STC1: variants seen among roughly 807,000 people sequenced by gnomAD.
The protein encoded by STC1 is stanniocalcin 1.
Under a neutral mutation model 22.6 loss-of-function variants are expected in STC1, and 7 were observed. That is an observed-to-expected ratio of 0.31 (90% CI 0.18 to 0.58). The LOEUF (loss-of-function observed/expected upper bound fraction) is 0.58. STC1 is among the 20% of genes least tolerant of loss of function. The probability of loss-of-function intolerance (pLI) is 0.89; values close to 1 mark genes in which losing one functional copy is unlikely to be tolerated. For missense variants in STC1, 224 were observed against 311.0 expected (o/e 0.72, Z 2.10); for synonymous variants, 113 against 120.7 (o/e 0.94, Z 0.42).
intron 3 of STC1, among the ~76,000 whole-genome samples, chr8:23,847,486 A>G (rs1342699556): frequency 6.6e-6 from 1 of 152,252 alleles, no homozygotes; most frequent in East Asian, 1.9e-4. Context: ...TAACTCAGCA[A>G]GGGCAGGCTG....
In STC1 at chr8:23,854,654, ATTT is replaced by A. The variant is rs200702516; in HGVS notation, c.-134_-132del. On this transcript the variant is annotated 5_prime_UTR_variant, in exon 1 of 4. Coordinates refer to ENST00000290271, the MANE Select transcript of STC1 (RefSeq NM_003155.3). Reference sequence around the variant, plus strand: ...AAGCTTAGGTGAGGATTTGATGAGGATTTTTTTTTGTTGTTGTTGCTGGTGATG... The same window carrying A: ...AAGCTTAGGTGAGGATTTGATGAGGATTTTTTGTTGTTGTTGCTGGTGATG... The A allele has an allele frequency of 9.2e-6, 8 of 867,540 alleles. No homozygotes were observed. The highest frequency in any genetic ancestry group is 1.4e-5 in the South Asian group (1 of 72,352). The allele number at this position is 867,540 out of a possible 1,614,324, so 53.7% of individuals were successfully genotyped here.
rs1297643712 is a variant in STC1 at position 23,842,683 on chromosome 8, G to A, written c.*2087C>T. ...TCAGCCTTGCCTGGGGGTGGGAAGT[G>A]TGGGAGGGAGGGGAAGAGTCTAACT... On this transcript the variant is annotated 3_prime_UTR_variant, in exon 4 of 4. Transcript: ENST00000290271. 6.6e-6 allele frequency: 1 copy of A among 152,430 alleles called. No individual in the cohort carries two copies. The highest frequency in any genetic ancestry group is 1.5e-5 in the Non-Finnish European group (1 of 68,048). 9.4% of individuals were successfully genotyped at this position (152,430 alleles called of 1,614,324 possible).
chr8:23,849,217 C>T (rs948081670), intron 3 of STC1, among the ~76,000 whole-genome samples: 7 of 152,248 alleles, frequency 4.6e-5, no homozygotes, highest in South Asian at 4.1e-4. Context: ...ACTGACTTAG[C>T]GTGTGTCTAT....
chr8:23,854,469 G>C lies in STC1; in HGVS notation c.55C>G (p.His19Asp). Reference protein sequence around the residue: ...LVLVISASATHEAEQNDSVSP... With the variant: ...LVLVISASATDEAEQNDSVSP... ...ACAGAGTCATTCTGCTCCGCCTCAT[G>C]GGTTGCAGAAGCACTGATCACCAGC... Residue 19 changes from histidine to aspartate, a missense_variant, in exon 1 of 4, where the codon CAT becomes GAT. Transcript: ENST00000290271. 6.2e-7 allele frequency: 1 copy of C among 1,614,112 alleles called. No individual in the cohort carries two copies.
In STC1 at chr8:23,843,766, T is replaced by G. The variant is rs779934164; in HGVS notation, c.*1004A>C. On this transcript the variant is annotated 3_prime_UTR_variant, in exon 4 of 4. Transcript: ENST00000290271. ...AACATCTTACCTGGGGTCCTTCAGA[T>G]AAACCTGTTGGTTTTTCCTGTCTCA... 13 of 152,656 alleles carry G rather than the reference T, an allele frequency of 8.5e-5. No individual in the cohort carries two copies. Among genetic ancestry groups the G allele is most frequent in the Non-Finnish European group, 1.9e-4 (13 of 68,036 alleles). The allele number at this position is 152,656 out of a possible 1,614,324, so 9.5% of individuals were successfully genotyped here.
rs1358385422 is a variant in STC1 at position 23,851,421 on chromosome 8, C to A, written c.372G>T (p.Val124=). ...CSTFQRMIAE[V]QEECYSKLNV... ...TCAGCTTGCTGTAGCACTCTTCCTG[C>A]ACCTCAGCAATCATCCTTTGGAAAG... The change falls in exon 3 of 4, where the codon GTG becomes GTT. Residue 124 remains valine (V), a synonymous_variant. Transcript: ENST00000290271. 6.2e-7 allele frequency: 1 copy of A among 1,614,146 alleles called. No individual in the cohort carries two copies. The highest frequency in any genetic ancestry group is 1.7e-5 in the Admixed American group (1 of 60,024).
In STC1 at chr8:23,842,484, C is replaced by CG. The variant is rs1802524825; in HGVS notation, c.*2285_*2286insC. The CG allele has an allele frequency of 1.2e-5, 1 of 80,146 alleles. No homozygotes were observed. Among genetic ancestry groups the CG allele is most frequent in the African/African-American group, 4.9e-5 (1 of 20,520 alleles). The allele number at this position is 80,146 out of a possible 1,614,324, so 5.0% of individuals were successfully genotyped here. ...TACCACGGTTTGAAGAGGTCACAGC[C>CG]AAAAAAAAAAAAAAAAAAAAAGAAA... On this transcript the variant is annotated 3_prime_UTR_variant, in exon 4 of 4. Transcript: ENST00000290271.
At position 23,843,279 on chromosome 8, in the gene STC1, A is replaced by G. The variant is rs1001336846; in HGVS notation, c.*1491T>C. On this transcript the variant is annotated 3_prime_UTR_variant, in exon 4 of 4. Coordinates refer to ENST00000290271, the MANE Select transcript of STC1 (RefSeq NM_003155.3). Reference sequence around the variant, plus strand: ...TCATGGCAGAAATGATCAAACCACCAGCTCTTTTTCCCTCTTTCTTTCTTT... The same window carrying G: ...TCATGGCAGAAATGATCAAACCACCGGCTCTTTTTCCCTCTTTCTTTCTTT... The G allele has an allele frequency of 1.3e-5, 2 of 151,538 alleles. No homozygotes were observed. Among genetic ancestry groups the G allele is most frequent in the African/African-American group, 2.4e-5 (1 of 41,134 alleles). The allele number at this position is 151,538 out of a possible 1,614,324, so 9.4% of individuals were successfully genotyped here.
rs1157890219 is a variant in STC1 at position 23,851,412 on chromosome 8, C to T, written c.381G>A (p.Glu127=). The change falls in exon 3 of 4, where the codon GAG becomes GAA. Residue 127 remains glutamate (E), a synonymous_variant. Coordinates refer to ENST00000290271, the MANE Select transcript of STC1 (RefSeq NM_003155.3). ...TGCACACATTCAGCTTGCTGTAGCACTCTTCCTGCACCTCAGCAATCATCC... is the reference window on the plus strand; with the variant it reads ...TGCACACATTCAGCTTGCTGTAGCATTCTTCCTGCACCTCAGCAATCATCC... ...FQRMIAEVQE[E]CYSKLNVCSI... 1 of 1,614,152 alleles carries T rather than the reference C, an allele frequency of 6.2e-7. No individual in the cohort carries two copies. Among genetic ancestry groups the T allele is most frequent in the South Asian group, 1.1e-5 (1 of 91,080 alleles).
intron 3 of STC1, among the ~76,000 whole-genome samples, chr8:23,849,808 T>C (rs1802615685): frequency 6.6e-6 from 1 of 152,144 alleles, no homozygotes; most frequent in African/African-American, 2.4e-5. Flanking sequence ...ACTTTGTCCT[T>C]AGCCCCTGTC....
rs750304719 is a variant in STC1 at position 23,852,421 on chromosome 8, G to C, written c.119-37C>G. ...AAATCCATCCATTCTGGGTCAAACA[G>C]TGAGGAATGGCTGGGTGGGATCAAG... On this transcript the variant is annotated intron_variant, in intron 1 of 3. Transcript: ENST00000290271. 2.6e-6 allele frequency: 4 copies of C among 1,556,088 alleles called. No individual in the cohort carries two copies. The Admixed American group carries it at 7.6e-5, about 30-fold the overall frequency.
chr8:23,852,550 T>C (rs1168352089), intron 1 of STC1, among the ~76,000 whole-genome samples, 166 bp from the exon 2 acceptor site: 1 of 152,116 alleles, frequency 6.6e-6, no homozygotes, highest in East Asian at 1.9e-4. Context: ...AAAGAGAGGA[T>C]AGACAGGCTC....
chr8:23,852,093 C>T lies in STC1; in HGVS notation c.261+149G>A, dbSNP rs1015270199. On this transcript the variant is annotated intron_variant, in intron 2 of 3. Coordinates refer to ENST00000290271, the MANE Select transcript of STC1 (RefSeq NM_003155.3). Reference sequence around the variant, plus strand: ...GTGTGTGTGTGTGTGCATGCACACACTTGTGCATACACATGCTGAGATGGG... The same window carrying T: ...GTGTGTGTGTGTGTGCATGCACACATTTGTGCATACACATGCTGAGATGGG... 12 of 846,826 alleles carry T rather than the reference C, an allele frequency of 1.4e-5. No homozygotes were observed. The African/African-American group carries it at 1.7e-4, about 12-fold the overall frequency. 52.5% of individuals were successfully genotyped at this position (846,826 alleles called of 1,614,324 possible).
In STC1 at chr8:23,844,632, A is replaced by G; in HGVS notation, c.*138T>C. ...ATATTGATTACAGAAGCCTAGTTTCATGCAATTTTCTTTAAGGGGGATAGA... is the reference window on the plus strand; with the variant it reads ...ATATTGATTACAGAAGCCTAGTTTCGTGCAATTTTCTTTAAGGGGGATAGA... On this transcript the variant is annotated 3_prime_UTR_variant, in exon 4 of 4. Transcript: ENST00000290271. 1 of 978,436 alleles carries G rather than the reference A, an allele frequency of 1.0e-6. No homozygotes were observed. The highest frequency in any genetic ancestry group is 1.5e-6 in the Non-Finnish European group (1 of 678,494). 60.6% of individuals were successfully genotyped at this position (978,436 alleles called of 1,614,324 possible).
At chr8:23,852,890 A>C (rs529883422) in intron 1 of STC1, among the ~76,000 whole-genome samples, 15 of 152,300 alleles carry the variant, frequency 9.8e-5, no homozygotes, top group African/African-American at 3.6e-4. Flanking sequence ...CCAGGAGTCC[A>C]CTTGGAGACC....
At position 23,844,972 on chromosome 8, in the gene STC1, C is replaced by G; in HGVS notation, c.542G>C (p.Ser181Thr). The G allele has an allele frequency of 1.2e-6, 2 of 1,614,186 alleles. No homozygotes were observed. The highest frequency in any genetic ancestry group is 1.7e-6 in the Non-Finnish European group (2 of 1,180,042). Reference sequence around the variant, plus strand: ...GTTAGGCCCAATTTTCTCCATCAGGCTGTCTCTGATTGTGCTGACTGTGTC... The same window carrying G: ...GTTAGGCCCAATTTTCTCCATCAGGGTGTCTCTGATTGTGCTGACTGTGTC... ...DEDTVSTIRD[S>T]LMEKIGPNMA... is the part of the protein sequence containing the mutation. The change falls in exon 4 of 4, where the codon AGC (serine) becomes ACC (threonine). Residue 181 changes from serine to threonine, a missense_variant. Transcript: ENST00000290271.
intron 3 of STC1, 95 bp downstream of exon 3, chr8:23,851,225 A>C: frequency 8.6e-7 from 1 of 1,169,354 alleles, no homozygotes; most frequent in Non-Finnish European, 1.3e-6. Flanking sequence ...TAAGAGCATG[A>C]CTGTGGCAAT....
intron 1 of STC1, chr8:23,854,192 G>A: frequency 8.5e-7 from 1 of 1,178,336 alleles, no homozygotes; most frequent in Non-Finnish European, 1.1e-6. Flanking sequence ...AATACCCTCA[G>A]CAGAGCGTCC....
At chr8:23,845,098 A>G in intron 3 of STC1, 58 bp from the exon 4 acceptor site, 1 of 1,575,916 alleles carries the variant, frequency 6.3e-7, no homozygotes, top group Non-Finnish European at 8.6e-7. Context: ...GGCGAGACCC[A>G]GGCTTTCACC....
Sources: gnomAD v4.1 joint callset for allele counts (sites outside exome capture counted in the v4.1 genomes callset) on GRCh38, gnomAD v4.1.1 for gene constraint, MANE v1.5 for transcripts, NCBI Gene and HGNC (gene_info 2026-07-23, HGNC 2026-07-21) for gene names.